The following LUZP2 variants were observed in gnomAD, a reference collection of about 807,000 sequenced individuals.
LUZP2 encodes the protein leucine zipper protein 2.
LUZP2 carries 52 observed loss-of-function variants against 51.6 expected under a neutral mutation model. That is an observed-to-expected ratio of 1.01 (90% CI 0.81 to 1.27). The LOEUF (loss-of-function observed/expected upper bound fraction) is 1.27. Among genes scored for constraint, LUZP2 ranks in the 50% most tolerant of loss-of-function variants. LUZP2 has a pLI of 0.00. For synonymous variants in LUZP2, 154 were observed against 137.3 expected, an observed-to-expected ratio of 1.12 and a Z score of -0.85; for missense variants, 436 against 395.4, an observed-to-expected ratio of 1.10 and a Z score of -0.87.
intron 5 of LUZP2, among the ~76,000 whole-genome samples, chr11:24,834,810 T>C (rs1435598445): frequency 1.3e-5 from 2 of 152,220 alleles, no homozygotes; most frequent in African/African-American, 2.4e-5. Context: ...TGGTATCTCA[T>C]TGTGGTTTTG....
At chr11:25,030,913 T>TATATTATATATATA (rs1565254339) in intron 9 of LUZP2, among the ~76,000 whole-genome samples, 3 of 16,530 alleles carry the variant, frequency 1.8e-4, no homozygotes, top group Non-Finnish European at 3.3e-4. Context: ...ATAATATATA[T>TATATTATATATATA]TGTATTATAT....
intron 8 of LUZP2, among the ~76,000 whole-genome samples, chr11:24,978,569 T>C (rs936884852): frequency 6.6e-6 from 1 of 151,764 alleles, no homozygotes; most frequent in Non-Finnish European, 1.5e-5. Flanking sequence ...AGTCAATGAC[T>C]AAATAGCTTT....
intron 7 of LUZP2, among the ~76,000 whole-genome samples, chr11:24,914,764 G>T (rs998917115): frequency 6.6e-6 from 1 of 152,152 alleles, no homozygotes; most frequent in South Asian, 2.1e-4. Flanking sequence ...ATTCCAGCAG[G>T]TTAGGAGTGT....
At chr11:24,983,756 T>C (rs1856108407) in intron 9 of LUZP2, among the ~76,000 whole-genome samples, 1 of 151,204 alleles carries the variant, frequency 6.6e-6, no homozygotes, top group Admixed American at 6.6e-5. Flanking sequence ...TGTTTAGGTG[T>C]ATTTACATTA....
At chr11:24,996,953 A>AT (rs1252056069) in intron 9 of LUZP2, among the ~76,000 whole-genome samples, 3 of 150,678 alleles carry the variant, frequency 2.0e-5, no homozygotes, top group African/African-American at 7.3e-5. Flanking sequence ...TGAACTCATC[A>AT]TTTTTTATGG....
In LUZP2 at chr11:24,903,247, C is replaced by G. The variant is rs377600669; in HGVS notation, c.397-2744C>G. 3.0e-4 allele frequency among the ~76,000 whole-genome samples: 45 copies of G among 152,182 alleles called. 1 individual carries two copies. In the East Asian group the frequency reaches 5.4e-3, roughly 18 times the overall value. On this transcript the variant is annotated intron_variant, in intron 5 of 11. Transcript: ENST00000336930. ...TCAGATTCTTTTTAAAAAAAGAACC[C>G]TAATATTGTACCTTGCATGATCAGT... is the stretch of plus-strand genomic sequence containing the variant.
intron 4 of LUZP2, among the ~76,000 whole-genome samples, chr11:24,746,092 T>G (rs536353531): frequency 2.0e-5 from 3 of 152,172 alleles, no homozygotes; most frequent in South Asian, 4.1e-4. Flanking sequence ...TGTTATGTAC[T>G]TGGTGTTTTT....
chr11:24,841,012 G>A, intron 5 of LUZP2, among the ~76,000 whole-genome samples: 1 of 151,968 alleles, frequency 6.6e-6, no homozygotes, highest in Non-Finnish European at 1.5e-5. Flanking sequence ...ATATGCTATT[G>A]TATGTTCTCA....
intron 5 of LUZP2, among the ~76,000 whole-genome samples, chr11:24,807,150 G>C (rs1849878351): frequency 6.6e-6 from 1 of 151,966 alleles, no homozygotes; most frequent in Admixed American, 6.6e-5. Context: ...AAGGATCATG[G>C]CTGATTTTTA....
chr11:25,033,749 A>G (rs1375199561), intron 9 of LUZP2, among the ~76,000 whole-genome samples: 1 of 152,156 alleles, frequency 6.6e-6, no homozygotes, highest in Non-Finnish European at 1.5e-5. Flanking sequence ...TACAAAAGAC[A>G]TAACTTTATT....
intron 9 of LUZP2, among the ~76,000 whole-genome samples, chr11:25,047,869 A>C (rs1858365814): frequency 6.6e-6 from 1 of 152,150 alleles, no homozygotes. Context: ...GCCGGGTAAG[A>C]GTGCAGTGAT....
intron 1 of LUZP2, among the ~76,000 whole-genome samples, chr11:24,553,100 G>C (rs1851767716): frequency 6.6e-6 from 1 of 151,518 alleles, no homozygotes. Flanking sequence ...AGACAATTGA[G>C]TCAATGGGAA....
At chr11:24,618,321 C>T (rs1424697499) in intron 1 of LUZP2, among the ~76,000 whole-genome samples, 1 of 152,204 alleles carries the variant, frequency 6.6e-6, no homozygotes, top group Non-Finnish European at 1.5e-5. Flanking sequence ...TATCAGCTCC[C>T]ATAGGGGTGA....
At chr11:24,560,712 C>T (rs534365946) in intron 1 of LUZP2, among the ~76,000 whole-genome samples, 5 of 152,228 alleles carry the variant, frequency 3.3e-5, no homozygotes, top group African/African-American at 7.2e-5. Context: ...CTCTCCTATG[C>T]GCTTCTCAAG....
At chr11:24,536,863 C>T (rs1362298351) in intron 1 of LUZP2, among the ~76,000 whole-genome samples, 7 of 151,666 alleles carry the variant, frequency 4.6e-5, no homozygotes, top group East Asian at 1.9e-4. Context: ...TTTTAAGTTT[C>T]GATTTAAAGT....
chr11:24,762,666 A>AT (rs568898105), intron 4 of LUZP2, among the ~76,000 whole-genome samples: 2 of 152,056 alleles, frequency 1.3e-5, no homozygotes, highest in Non-Finnish European at 2.9e-5. Flanking sequence ...CTATACTACC[A>AT]TTTTTTACAA....
At chr11:24,630,675 T>A (rs61487947) in intron 1 of LUZP2, among the ~76,000 whole-genome samples, 2,205 of 46,838 alleles carry the variant, frequency 0.047, 57 homozygotes, top group African/African-American at 0.21. Context: ...TATTCCGACT[T>A]TTTTTTTTTT....
intron 1 of LUZP2, among the ~76,000 whole-genome samples, chr11:24,616,474 C>CGT (rs1565031299): frequency 1.5e-4 from 8 of 52,782 alleles, no homozygotes; most frequent in African/African-American, 2.2e-4. Flanking sequence ...TTGGCGTGCG[C>CGT]ATGTGTGTGT....
intron 7 of LUZP2, among the ~76,000 whole-genome samples, chr11:24,946,902 C>G (rs1309736900): frequency 6.6e-6 from 1 of 151,916 alleles, no homozygotes; most frequent in East Asian, 1.9e-4. Flanking sequence ...ACATATATAT[C>G]TATATATTCA....
Sources: gnomAD v4.1 joint callset for allele counts (sites outside exome capture counted in the v4.1 genomes callset) on GRCh38, gnomAD v4.1.1 for gene constraint, MANE v1.5 for transcripts, NCBI Gene and HGNC (gene_info 2026-07-23, HGNC 2026-07-21) for gene names.